FNDC3B: variants seen among roughly 807,000 people sequenced by gnomAD.
FNDC3B encodes the protein fibronectin type III domain-containing protein 3B.
Under a neutral mutation model 151.5 loss-of-function variants are expected in FNDC3B, and 12 were observed. That is an observed-to-expected ratio of 0.08 (90% CI 0.05 to 0.13). The LOEUF (loss-of-function observed/expected upper bound fraction) is 0.13. Among genes scored for constraint, FNDC3B ranks in the 10% least tolerant of loss-of-function variants. FNDC3B has a pLI of 1.00. For missense variants in FNDC3B, 1,214 were observed against 1,505.3 expected (o/e 0.81, Z 3.20); for synonymous variants, 528 against 549.0 (o/e 0.96, Z 0.54).
intron 23 of FNDC3B, among the ~76,000 whole-genome samples, chr3:172,366,332 G>A (rs1254327310): frequency 6.6e-6 from 1 of 152,042 alleles, no homozygotes; most frequent in Admixed American, 6.6e-5. Context: ...TGTTTTTACA[G>A]CCTCCCTCCC....
chr3:172,310,332 A>G (rs111827631), intron 10 of FNDC3B, among the ~76,000 whole-genome samples: 1 of 152,148 alleles, frequency 6.6e-6, no homozygotes, highest in Non-Finnish European at 1.5e-5. Context: ...TTTTTTCCCC[A>G]TTTTTTAAAA....
intron 25 of FNDC3B, among the ~76,000 whole-genome samples, chr3:172,389,727 G>A (rs1287486483): frequency 2.0e-5 from 3 of 151,666 alleles, no homozygotes; most frequent in African/African-American, 4.8e-5. Flanking sequence ...ATAGCTGGGC[G>A]TAGTGGCGGG....
rs151300292 is a variant in FNDC3B at position 172,368,076 on chromosome 3, C to A, written c.3008+5231C>A. On this transcript the variant is annotated intron_variant, in intron 23 of 25. Transcript: ENST00000415807. ...GGCAACTAATAAAAATGGTCGGGAA[C>A]CTGAGCAGCATAGTGAGACCCTTTC... Among the ~76,000 whole-genome samples the A allele has an allele frequency of 2.0e-3, 304 of 152,108 alleles. 1 individual carries two copies. The highest frequency in any genetic ancestry group is 7.0e-3 in the African/African-American group (289 of 41,506).
intron 3 of FNDC3B, among the ~76,000 whole-genome samples, chr3:172,161,612 G>A (rs745477841): frequency 1.4e-4 from 22 of 152,214 alleles, no homozygotes; most frequent in African/African-American, 5.1e-4. Context: ...GGACACATGC[G>A]TGTATTTACC....
intron 1 of FNDC3B, among the ~76,000 whole-genome samples, chr3:172,065,796 G>A (rs897235531): frequency 6.6e-6 from 1 of 152,216 alleles, no homozygotes; most frequent in African/African-American, 2.4e-5. Context: ...GGCTTGTCAT[G>A]TTTATATTAG....
chr3:172,343,198 A>T, intron 18 of FNDC3B, 82 bp downstream of exon 18: 2 of 793,660 alleles, frequency 2.5e-6, no homozygotes, highest in Non-Finnish European at 4.4e-6. Flanking sequence ...TAAGTTTCAA[A>T]GCTTTCTTCT....
intron 3 of FNDC3B, among the ~76,000 whole-genome samples, chr3:172,211,854 A>G (rs1168402966): frequency 6.6e-6 from 1 of 152,204 alleles, no homozygotes; most frequent in Non-Finnish European, 1.5e-5. Context: ...TAAATGGGGA[A>G]TTGGTCTGGA....
In FNDC3B at chr3:172,133,223, T is replaced by C. The variant is rs544389071; in HGVS notation, c.112-248T>C. Among the ~76,000 whole-genome samples the C allele has an allele frequency of 1.2e-3, 180 of 152,332 alleles. 2 individuals are homozygous for C. Among genetic ancestry groups the C allele is most frequent in the African/African-American group, 4.2e-3 (173 of 41,572 alleles). On this transcript the variant is annotated intron_variant, in intron 2 of 25. Transcript: ENST00000415807. ...GGAATTGTGCTTTTCAAAGAAAAGT[T>C]TTCTTCAAATGGAGTTTTTAAAGTT...
At chr3:172,117,023 T>A (rs144856030) in intron 2 of FNDC3B, among the ~76,000 whole-genome samples, 4 of 152,384 alleles carry the variant, frequency 2.6e-5, no homozygotes, top group African/African-American at 9.6e-5. Flanking sequence ...TTGGCTGTTA[T>A]GAATAATGCT....
chr3:172,270,077 CAAGT>C (rs889462432), intron 6 of FNDC3B, among the ~76,000 whole-genome samples: 1 of 152,198 alleles, frequency 6.6e-6, no homozygotes, highest in Non-Finnish European at 1.5e-5. Flanking sequence ...TATTGTGAGA[CAAGT>C]AACACATTTC....
intron 6 of FNDC3B, among the ~76,000 whole-genome samples, chr3:172,273,074 G>C (rs1729277265): frequency 6.6e-6 from 1 of 152,104 alleles, no homozygotes; most frequent in Non-Finnish European, 1.5e-5. Flanking sequence ...GCCTTAATAG[G>C]TTCCTCATTT....
At chr3:172,307,197 T>C (rs537144584) in intron 9 of FNDC3B, 166 bp from the exon 10 acceptor site, 7 of 657,916 alleles carry the variant, frequency 1.1e-5, no homozygotes, top group African/African-American at 9.0e-5. Context: ...CCCCTGTTAA[T>C]GCTAACCATA....
intron 19 of FNDC3B, 189 bp from the exon 20 acceptor site, chr3:172,346,138 T>C: frequency 2.8e-6 from 1 of 358,546 alleles, no homozygotes; most frequent in Non-Finnish European, 5.0e-6. Context: ...ACTCAGGGAC[T>C]GTATATAGGA....
intron 23 of FNDC3B, among the ~76,000 whole-genome samples, chr3:172,376,587 A>G (rs1019131160): frequency 1.3e-5 from 2 of 152,356 alleles, no homozygotes; most frequent in East Asian, 1.9e-4. Context: ...TGGCTCTGGC[A>G]TTAGCAAGGA....
Position 172,269,547 on chromosome 3 carries a change from C to T in FNDC3B, c.791-16379C>T, listed in dbSNP as rs148838313. On this transcript the variant is annotated intron_variant, in intron 6 of 25. Transcript: ENST00000415807. ...GGCCTCCCAATGTACTGGGATTACA[C>T]CTATGAGCTACTGCCCCCAGCCTAT... 3.0e-3 allele frequency among the ~76,000 whole-genome samples: 460 copies of T among 152,086 alleles called. 4 individuals are homozygous for T. Among genetic ancestry groups the T allele is most frequent in the African/African-American group, 0.011 (447 of 41,442 alleles).
chr3:172,240,592 A>G (rs561945104), intron 4 of FNDC3B, among the ~76,000 whole-genome samples: 5 of 152,310 alleles, frequency 3.3e-5, no homozygotes, highest in African/African-American at 1.2e-4. Context: ...GAAAACTTTG[A>G]TGTACACACC....
At chr3:172,390,119 C>A (rs1485113417) in intron 25 of FNDC3B, among the ~76,000 whole-genome samples, 2 of 152,094 alleles carry the variant, frequency 1.3e-5, no homozygotes, top group Admixed American at 1.3e-4. Flanking sequence ...TTGTTCAAGC[C>A]ATTGTGCTGG....
rs529407534 is a variant in FNDC3B at position 172,362,484 on chromosome 3, T to C, written c.2796-149T>C. 3 of 665,552 alleles carry C rather than the reference T, an allele frequency of 4.5e-6. No homozygotes were observed. The African/African-American group carries it at 5.4e-5, about 12-fold the overall frequency. 41.2% of individuals were successfully genotyped at this position (665,552 alleles called of 1,614,324 possible). A position where few individuals can be genotyped will look rare whatever the true frequency, so the allele number is the denominator to read the frequency against. The stretch of plus-strand genomic sequence containing the variant: ...CCACTGAGCAACCCCGTGCTTCTAT[T>C]TGTCTTGAGTTACTTTAACTTGTTT... On this transcript the variant is annotated intron_variant, in intron 22 of 25. Coordinates refer to ENST00000415807, the MANE Select transcript of FNDC3B (RefSeq NM_022763.4).
chr3:172,376,133 TAA>T (rs1453256038), intron 23 of FNDC3B, among the ~76,000 whole-genome samples: 7 of 152,228 alleles, frequency 4.6e-5, no homozygotes, highest in Non-Finnish European at 8.8e-5. Context: ...AAACAGTTAA[TAA>T]AATTCTCCAG....
Sources: gnomAD v4.1 joint callset for allele counts (sites outside exome capture counted in the v4.1 genomes callset) on GRCh38, gnomAD v4.1.1 for gene constraint, MANE v1.5 for transcripts, NCBI Gene and HGNC (gene_info 2026-07-23, HGNC 2026-07-21) for gene names.